STX18: variants seen among roughly 807,000 people sequenced by gnomAD.
STX18 encodes syntaxin 18, also known as syntaxin-18.
Under a neutral mutation model 50.1 loss-of-function variants are expected in STX18, and 40 were observed. The ratio of observed to expected loss-of-function variants is 0.80; its 90% CI spans 0.62 to 1.04. The LOEUF is 1.04. STX18 is among the 50% of genes least tolerant of loss of function. STX18 has a pLI of 0.00. For missense variants in STX18, 410 were observed against 415.8 expected, an observed-to-expected ratio of 0.99 and a Z score of 0.12; for synonymous variants, 158 against 151.8, an observed-to-expected ratio of 1.04 and a Z score of -0.30.
At chr4:4,499,094 C>T (rs944565190) in intron 1 of STX18, among the ~76,000 whole-genome samples, 3 of 152,184 alleles carry the variant, frequency 2.0e-5, no homozygotes. Flanking sequence ...ATAAGACAAA[C>T]ATTTCAAAAA....
chr4:4,453,128 C>A (rs1479578806), intron 5 of STX18, among the ~76,000 whole-genome samples: 1 of 152,194 alleles, frequency 6.6e-6, no homozygotes, highest in African/African-American at 2.4e-5. Flanking sequence ...GTTGAAATAA[C>A]AAGGAAGGGC....
intron 1 of STX18, among the ~76,000 whole-genome samples, chr4:4,510,799 T>C (rs1729966062): frequency 6.6e-6 from 1 of 152,168 alleles, no homozygotes; most frequent in African/African-American, 2.4e-5. Flanking sequence ...GTGGCACATA[T>C]ACACCGTGGA....
intron 1 of STX18, among the ~76,000 whole-genome samples, chr4:4,529,794 T>C (rs1438023518): frequency 7.2e-5 from 11 of 152,208 alleles, no homozygotes; most frequent in Admixed American, 7.2e-4. Context: ...TATAAAGCTT[T>C]TACCACAGGG....
intron 5 of STX18, among the ~76,000 whole-genome samples, chr4:4,447,728 T>C (rs2108803188): frequency 6.6e-6 from 1 of 150,488 alleles, no homozygotes; most frequent in South Asian, 2.1e-4. Context: ...GCTCAAAAAA[T>C]TAGCTATTAC....
At chr4:4,519,100 C>CA (rs772480666) in intron 1 of STX18, among the ~76,000 whole-genome samples, 18 of 152,072 alleles carry the variant, frequency 1.2e-4, no homozygotes, top group Non-Finnish European at 2.2e-4. Context: ...TAAGCCAATG[C>CA]AAAATCACGG....
chr4:4,515,797 G>T (rs910493315), intron 1 of STX18, among the ~76,000 whole-genome samples: 2 of 152,008 alleles, frequency 1.3e-5, no homozygotes, highest in East Asian at 3.9e-4. Context: ...CATTTTAAAG[G>T]CTACTTAAAA....
intron 5 of STX18, among the ~76,000 whole-genome samples, chr4:4,440,735 G>A (rs1017422933): frequency 2.0e-5 from 3 of 152,118 alleles, no homozygotes; most frequent in African/African-American, 7.2e-5. Context: ...TTTAGGAAAT[G>A]GTCCTCTACA....
chr4:4,485,884 G>A (rs7671725), intron 1 of STX18, among the ~76,000 whole-genome samples: 22,397 of 152,110 alleles, frequency 0.15, 1,699 homozygotes, highest in African/African-American at 0.16. Context: ...TTTCCTGCAC[G>A]GAACAGTCTT....
chr4:4,475,275 C>T (rs1728121394), intron 1 of STX18, among the ~76,000 whole-genome samples: 1 of 152,014 alleles, frequency 6.6e-6, no homozygotes, highest in South Asian at 2.1e-4. Flanking sequence ...GCAGGTGGTT[C>T]AGGATTAAAC....
intron 1 of STX18, among the ~76,000 whole-genome samples, chr4:4,514,761 G>C (rs1054572911): frequency 6.6e-6 from 1 of 152,040 alleles, no homozygotes; most frequent in African/African-American, 2.4e-5. Flanking sequence ...GAACTAGGAG[G>C]GGCCTCTGGT....
At chr4:4,515,944 G>A (rs1005157262) in intron 1 of STX18, among the ~76,000 whole-genome samples, 6 of 151,918 alleles carry the variant, frequency 3.9e-5, no homozygotes, top group Admixed American at 1.3e-4. Context: ...TGATACAAAA[G>A]CTTTTGTGAT....
intron 5 of STX18, among the ~76,000 whole-genome samples, chr4:4,449,278 C>T (rs1156844952): frequency 8.2e-6 from 1 of 122,330 alleles, no homozygotes; most frequent in African/African-American, 5.6e-5. Flanking sequence ...AACTCCTGGC[C>T]TCAAGCAATC....
intron 8 of STX18, 83 bp from the exon 9 acceptor site, chr4:4,423,670 A>G (rs1368345427): frequency 2.9e-6 from 4 of 1,381,726 alleles, no homozygotes; most frequent in African/African-American, 3.2e-5. Context: ...AAGAAATCCT[A>G]TCTTCTACGT....
At chr4:4,449,583 T>C (rs1003371161) in intron 5 of STX18, among the ~76,000 whole-genome samples, 18 of 152,206 alleles carry the variant, frequency 1.2e-4, no homozygotes, top group Non-Finnish European at 2.6e-4. Context: ...TCATGCTTCT[T>C]TGGCAGAAAT....
At chr4:4,509,929 C>T (rs77846023) in intron 1 of STX18, among the ~76,000 whole-genome samples, 3,654 of 152,122 alleles carry the variant, frequency 0.024, 134 homozygotes, top group African/African-American at 0.081. Context: ...ATCAAGCATG[C>T]GTGAAGAACA....
chr4:4,541,934 C>A lies in STX18; in HGVS notation c.31G>T (p.Ala11Ser). 1 of 1,608,010 alleles carries A rather than the reference C, an allele frequency of 6.2e-7. No homozygotes were observed. The highest frequency in any genetic ancestry group is 1.8e-4 in the Middle Eastern group (1 of 5,560). The change falls in exon 1 of 11, where the codon GCC becomes TCC. Residue 11 changes from alanine (A) to serine (S), a missense_variant. Coordinates refer to ENST00000306200, the MANE Select transcript of STX18 (RefSeq NM_016930.4). ...CGCGTCTTCACGGTCTTGACGCTGG[C>A]CCGGAATAGCAGCGTGATGTCCACC... MAVDITLLFRASVKTVKTRNK... is the reference protein window; with the variant it reads MAVDITLLFRSSVKTVKTRNK...
At chr4:4,450,889 T>G (rs181224105) in intron 5 of STX18, among the ~76,000 whole-genome samples, 3 of 152,344 alleles carry the variant, frequency 2.0e-5, no homozygotes, top group Admixed American at 2.0e-4. Context: ...TCTGTCATCC[T>G]TTGTGTCCAG....
intron 1 of STX18, among the ~76,000 whole-genome samples, chr4:4,495,237 T>C (rs1370894321): frequency 6.6e-5 from 10 of 152,352 alleles, no homozygotes; most frequent in Non-Finnish European, 1.5e-4. Flanking sequence ...GAAAAGTGCC[T>C]GGCATATATA....
At chr4:4,423,697 G>GAT (rs397752831) in intron 8 of STX18, 110 bp from the exon 9 acceptor site, 3 of 1,082,520 alleles carry the variant, frequency 2.8e-6, no homozygotes, top group African/African-American at 1.6e-5. Context: ...GGGAGAGACA[G>GAT]GGGGCACACT....
Sources: allele counts gnomAD v4.1 joint callset (sites outside exome capture counted in the v4.1 genomes callset), GRCh38; gene constraint gnomAD v4.1.1; transcripts MANE v1.5; gene names NCBI Gene and HGNC (gene_info 2026-07-23, HGNC 2026-07-21).